NXPH1: variants seen among roughly 807,000 people sequenced by gnomAD.
The protein encoded by NXPH1 is neurexophilin-1.
Under a neutral mutation model 23.7 loss-of-function variants are expected in NXPH1, and 5 were observed. The observed-to-expected ratio is 0.21, with a 90% CI of 0.11 to 0.44. The LOEUF is 0.44. NXPH1 is among the 20% of genes least tolerant of loss of function. The pLI is 0.99. For synonymous variants in NXPH1, 144 were observed against 122.2 expected, an observed-to-expected ratio of 1.18 and a Z score of -1.18; for missense variants, 324 against 321.6, an observed-to-expected ratio of 1.01 and a Z score of -0.06.
intron 2 of NXPH1, among the ~76,000 whole-genome samples, chr7:8,747,118 G>C (rs1423654532): frequency 1.3e-5 from 2 of 152,058 alleles, no homozygotes; most frequent in African/African-American, 4.8e-5. Context: ...GAAGAAGATT[G>C]ATATTATTCT....
chr7:8,741,067 C>T (rs1780353074), intron 2 of NXPH1, among the ~76,000 whole-genome samples: 1 of 152,168 alleles, frequency 6.6e-6, no homozygotes, highest in African/African-American at 2.4e-5. Flanking sequence ...CATTCCCCAG[C>T]CTCTGGCAAA....
At chr7:8,723,303 A>G (rs16874189) in intron 2 of NXPH1, among the ~76,000 whole-genome samples, 2,410 of 152,304 alleles carry the variant, frequency 0.016, 72 homozygotes, top group African/African-American at 0.055. Flanking sequence ...CTTCAATTCT[A>G]TCAGTATTCT....
At chr7:8,518,018 A>G (rs1001412583) in intron 2 of NXPH1, among the ~76,000 whole-genome samples, 3 of 152,170 alleles carry the variant, frequency 2.0e-5, no homozygotes, top group African/African-American at 7.2e-5. Context: ...GGAAAAGCAA[A>G]TTCTTAGGTG....
intron 2 of NXPH1, among the ~76,000 whole-genome samples, chr7:8,685,696 A>G (rs1191641815): frequency 2.0e-5 from 3 of 152,110 alleles, no homozygotes; most frequent in Non-Finnish European, 4.4e-5. Flanking sequence ...TGTTCTCCAC[A>G]GCGGTTGTAC....
chr7:8,592,272 A>G (rs939574034), intron 2 of NXPH1, among the ~76,000 whole-genome samples: 1 of 151,998 alleles, frequency 6.6e-6, no homozygotes, highest in African/African-American at 2.4e-5. Flanking sequence ...AGCTTGAAGA[A>G]TTCAGTCACC....
At chr7:8,599,665 A>G (rs965462961) in intron 2 of NXPH1, among the ~76,000 whole-genome samples, 3 of 152,054 alleles carry the variant, frequency 2.0e-5, no homozygotes, top group Non-Finnish European at 2.9e-5. Flanking sequence ...TTCAATTTGT[A>G]CTATTGTTAG....
intron 2 of NXPH1, among the ~76,000 whole-genome samples, chr7:8,479,127 T>A (rs150030774): frequency 1.1e-3 from 161 of 152,238 alleles, no homozygotes; most frequent in Middle Eastern, 3.4e-3. Context: ...TATAGTTACT[T>A]GTAGAACTAA....
chr7:8,718,171 C>A (rs1779908807), intron 2 of NXPH1, among the ~76,000 whole-genome samples: 1 of 152,076 alleles, frequency 6.6e-6, no homozygotes, highest in Admixed American at 6.5e-5. Flanking sequence ...CTTACAGTGA[C>A]AAAGAGATAT....
chr7:8,709,574 A>C (rs568562956), intron 2 of NXPH1, among the ~76,000 whole-genome samples: 2 of 152,300 alleles, frequency 1.3e-5, no homozygotes, highest in South Asian at 4.1e-4. Context: ...TCAGCACACT[A>C]TACTGTACTT....
At chr7:8,681,109 C>A (rs906600408) in intron 2 of NXPH1, among the ~76,000 whole-genome samples, 11 of 152,176 alleles carry the variant, frequency 7.2e-5, no homozygotes, top group African/African-American at 2.7e-4. Flanking sequence ...CCTGGCCAGC[C>A]CCTTTATGTT....
In NXPH1 at chr7:8,710,640, G is replaced by GTTTTTTTTTTTTTTT. The variant is rs1368543367; in HGVS notation, c.55-40362_55-40361insTTTTTTTTTTTTTTT. On this transcript the variant is annotated intron_variant, in intron 2 of 2. Coordinates refer to ENST00000405863, the MANE Select transcript of NXPH1 (RefSeq NM_152745.3). ...TTGAACAAAGCATGTCAACTGTTACGTTTTTTGTTTTTTTTTTTTTTTTTT... is the reference window on the plus strand; with the variant it reads ...TTGAACAAAGCATGTCAACTGTTACGTTTTTTTTTTTTTTTTTTTTTGTTTTTTTTTTTTTTTTTT... 7.2e-5 allele frequency among the ~76,000 whole-genome samples: 2 copies of GTTTTTTTTTTTTTTT among 27,672 alleles called. 1 individual carries two copies. The highest frequency in any genetic ancestry group is 3.2e-4 in the African/African-American group (2 of 6,236). The allele number at this position is 27,672 out of a possible 152,430, so 18.2% of individuals were successfully genotyped here. A position where few individuals can be genotyped will look rare whatever the true frequency, so the allele number is the denominator to read the frequency against.
intron 2 of NXPH1, among the ~76,000 whole-genome samples, chr7:8,724,847 A>G (rs1243071387): frequency 6.6e-6 from 1 of 152,124 alleles, no homozygotes; most frequent in African/African-American, 2.4e-5. Flanking sequence ...ATCTTTTTTC[A>G]TTAGCACATG....
At chr7:8,672,945 C>A (rs1379638584) in intron 2 of NXPH1, among the ~76,000 whole-genome samples, 1 of 152,066 alleles carries the variant, frequency 6.6e-6, no homozygotes, top group Non-Finnish European at 1.5e-5. Context: ...ATGAGGCAGA[C>A]CTGGATTGGA....
intron 2 of NXPH1, among the ~76,000 whole-genome samples, chr7:8,672,638 G>T (rs912258957): frequency 2.0e-5 from 3 of 152,048 alleles, no homozygotes; most frequent in African/African-American, 7.2e-5. Flanking sequence ...ATTAATAAAA[G>T]AAGTCTGCAT....
At chr7:8,558,830 A>T (rs1472578203) in intron 2 of NXPH1, among the ~76,000 whole-genome samples, 3 of 151,674 alleles carry the variant, frequency 2.0e-5, no homozygotes. Flanking sequence ...TTTGTTTCAT[A>T]GATGACTGCC....
chr7:8,501,174 A>G (rs1817425304), intron 2 of NXPH1, among the ~76,000 whole-genome samples: 1 of 152,218 alleles, frequency 6.6e-6, no homozygotes, highest in African/African-American at 2.4e-5. Flanking sequence ...TTTGAGCTCT[A>G]GGGATCTGCC....
intron 2 of NXPH1, among the ~76,000 whole-genome samples, chr7:8,563,553 A>T (rs1818487182): frequency 6.6e-6 from 1 of 151,790 alleles, no homozygotes; most frequent in South Asian, 2.1e-4. Flanking sequence ...CAAGACTCGG[A>T]AGCACTTTCT....
Position 8,489,173 on chromosome 7 carries a change from G to A in NXPH1, c.54+53406G>A, listed in dbSNP as rs574067060. The stretch of plus-strand genomic sequence containing the variant: ...GGAGGGTAAAATAACAGCAACGTCT[G>A]TCCCCACGTGCTGGGGAAGATTCGG... On this transcript the variant is annotated intron_variant, in intron 2 of 2. Coordinates refer to ENST00000405863, the MANE Select transcript of NXPH1 (RefSeq NM_152745.3). 3.9e-5 allele frequency among the ~76,000 whole-genome samples: 6 copies of A among 152,184 alleles called. No individual in the cohort carries two copies. In the South Asian group the frequency reaches 1.2e-3, roughly 32 times the overall value.
intron 2 of NXPH1, among the ~76,000 whole-genome samples, chr7:8,445,976 G>A (rs544304851): frequency 1.3e-5 from 2 of 152,306 alleles, no homozygotes; most frequent in East Asian, 3.9e-4. Context: ...TTTAGAAAAT[G>A]ATTCTTCTCC....
Sources: allele counts gnomAD v4.1 joint callset (sites outside exome capture counted in the v4.1 genomes callset), GRCh38; gene constraint gnomAD v4.1.1; transcripts MANE v1.5; gene names NCBI Gene and HGNC (gene_info 2026-07-23, HGNC 2026-07-21).